The following RIIAD1 variants were observed in gnomAD, a reference collection of about 807,000 sequenced individuals.
RIIAD1 encodes RIIa domain-containing protein 1.
A neutral mutation model predicts 13.3 loss-of-function variants in RIIAD1; 15 were observed. That is an observed-to-expected ratio of 1.13 (90% CI 0.76 to 1.74). The LOEUF (loss-of-function observed/expected upper bound fraction) is 1.74, where lower values mean the gene tolerates loss of function less well. Among genes scored for constraint, RIIAD1 ranks in the 40% most tolerant of loss-of-function variants. The pLI is 0.00. For missense variants in RIIAD1, 121 were observed against 112.2 expected, an observed-to-expected ratio of 1.08 and a Z score of -0.35; for synonymous variants, 50 against 43.3, an observed-to-expected ratio of 1.16 and a Z score of -0.61.
At chr1:151,725,844 C>T (rs894360559) in intron 2 of RIIAD1, among the ~76,000 whole-genome samples, 3 of 152,132 alleles carry the variant, frequency 2.0e-5, no homozygotes, top group African/African-American at 7.2e-5. Flanking sequence ...ATGTCCCTCC[C>T]CAGCATTCAA....
At chr1:151,715,650 G>A (rs374623824) in intron 4 of RIIAD1, 34 of 1,504,522 alleles carry the variant, frequency 2.3e-5, no homozygotes, top group Non-Finnish European at 2.8e-5. Flanking sequence ...CTTTGCAGCC[G>A]TCTTGACAAC....
Position 151,712,427 on chromosome 1 carries a change from C to T in RIIAD1, c.-186+430C>T, listed in dbSNP as rs573037910. On this transcript the variant is annotated intron_variant, in intron 2 of 8. Transcript: ENST00000326413. ...CCACTCCTGGCTCCACACTTGTTCCCGGCGTCCCAGACCACTCACAGGTTC... is the reference window on the plus strand; with the variant it reads ...CCACTCCTGGCTCCACACTTGTTCCTGGCGTCCCAGACCACTCACAGGTTC... Among the ~76,000 whole-genome samples, 50 of 152,304 alleles carry T rather than the reference C, an allele frequency of 3.3e-4. 1 individual carries two copies. In the South Asian group the frequency reaches 9.7e-3, roughly 30 times the overall value.
chr1:151,715,006 CCT>C (rs1355987111), intron 4 of RIIAD1, among the ~76,000 whole-genome samples: 2 of 151,966 alleles, frequency 1.3e-5, no homozygotes, highest in Non-Finnish European at 2.9e-5. Flanking sequence ...TCTCCTTTCC[CCT>C]CTCTCCCTCA....
At chr1:151,715,500 G>T in intron 4 of RIIAD1, 1 of 711,980 alleles carries the variant, frequency 1.4e-6, no homozygotes, top group Non-Finnish European at 2.2e-6. Flanking sequence ...AGGCTGCTCA[G>T]ATTCTCAGTC....
rs991495619 is a variant in RIIAD1 at position 151,714,801 on chromosome 1, G to A, written c.21+272G>A. The A allele has an allele frequency of 4.2e-6, 3 of 706,286 alleles. No homozygotes were observed. In the African/African-American group the frequency reaches 5.3e-5, roughly 13 times the overall value. The allele number at this position is 706,286 out of a possible 1,614,324, so 43.8% of individuals were successfully genotyped here. A position where few individuals can be genotyped will look rare whatever the true frequency, so the allele number is the denominator to read the frequency against. ...CCCTTCTTGTCATCTTCTGCCTGCT[G>A]GGGTAGAGAGGTGTCTCCAAGGGGT... On this transcript the variant is annotated intron_variant, in intron 4 of 8. Coordinates refer to the RIIAD1 transcript ENST00000326413.
chr1:151,722,537 T>C (rs544936703), intron 2 of RIIAD1, among the ~76,000 whole-genome samples: 6 of 152,344 alleles, frequency 3.9e-5, no homozygotes, highest in South Asian at 4.1e-4. Context: ...TCCTGGAATA[T>C]GTTCTTTCCT....
intron 1 of RIIAD1, 45 bp downstream of exon 1, chr1:151,721,665 T>TGCCCCAGGACTGGG: frequency 8.4e-7 from 1 of 1,189,972 alleles, no homozygotes; most frequent in Non-Finnish European, 1.1e-6. Flanking sequence ...AAAGTGTAGC[T>TGCCCCAGGACTGGG]GCCCCAGGAC....
chr1:151,724,458 AAAG>A (rs1558119140), intron 2 of RIIAD1, among the ~76,000 whole-genome samples: 1 of 152,208 alleles, frequency 6.6e-6, no homozygotes, highest in Non-Finnish European at 1.5e-5. Context: ...TCCTATGAGA[AAAG>A]AAGAAGGGAG....
At chr1:151,716,669 G>GCCCC, upstream of RIIAD1, 1 of 116,324 alleles carries the variant, frequency 8.6e-6, no homozygotes. Context: ...CCTCCCCTCA[G>GCCCC]CCCCCCTCCC....
At chr1:151,718,859 C>T (rs1673677566), upstream of RIIAD1, among the ~76,000 whole-genome samples, 1 of 152,132 alleles carries the variant, frequency 6.6e-6, no homozygotes. Flanking sequence ...GCCTTCTAAT[C>T]TGATCTTGGT....
rs1309990017 is a variant in RIIAD1 at position 151,729,495 on chromosome 1, T to A, written c.*65T>A. The A allele has an allele frequency of 6.6e-6, 1 of 152,386 alleles. No individual in the cohort carries two copies. The highest frequency in any genetic ancestry group is 1.5e-5 in the Non-Finnish European group (1 of 68,142). The allele number at this position is 152,386 out of a possible 1,614,324, so 9.4% of individuals were successfully genotyped here. On this transcript the variant is annotated 3_prime_UTR_variant, in exon 5 of 5. Transcript: ENST00000479191. Reference sequence around the variant, plus strand: ...ACCATTTCTGTTTTGCAGGGTCATCTGGAGGCATGAGAGCCCTACTGCCAT... The same window carrying A: ...ACCATTTCTGTTTTGCAGGGTCATCAGGAGGCATGAGAGCCCTACTGCCAT...
At chr1:151,721,712 G>C in intron 1 of RIIAD1, 92 bp downstream of exon 1, 1 of 713,316 alleles carries the variant, frequency 1.4e-6, no homozygotes, top group South Asian at 3.8e-5. Flanking sequence ...GCCGAGAGAA[G>C]GGGAGCGGGA....
intron 3 of RIIAD1, among the ~76,000 whole-genome samples, chr1:151,713,970 T>C (rs1673243864): frequency 6.6e-6 from 1 of 152,094 alleles, no homozygotes; most frequent in Admixed American, 6.5e-5. Flanking sequence ...TCAGGCCTGA[T>C]CCTCTACAAT....
intron 3 of RIIAD1, among the ~76,000 whole-genome samples, chr1:151,714,136 C>T (rs891063739): frequency 9.2e-5 from 14 of 152,188 alleles, no homozygotes; most frequent in African/African-American, 1.4e-4. Flanking sequence ...GAACCAGCAC[C>T]GAGATGCCAA....
Position 151,729,590 on chromosome 1 carries a change from C to G in RIIAD1, c.*160C>G, listed in dbSNP as rs1647274579. On this transcript the variant is annotated 3_prime_UTR_variant, in exon 5 of 5. Coordinates refer to ENST00000479191, the MANE Select transcript of RIIAD1 (RefSeq NM_001144956.3). ...AAAGCTTTTAAAGATATTCATTAAA[C>G]ACGGACCTTCCTGCTCTCTCTGCTT... 1 of 152,206 alleles carries G rather than the reference C, an allele frequency of 6.6e-6. No homozygotes were observed. The highest frequency in any genetic ancestry group is 2.4e-5 in the African/African-American group (1 of 41,456). 9.4% of individuals were successfully genotyped at this position (152,206 alleles called of 1,614,324 possible).
chr1:151,713,778 G>A (rs1673225374), intron 3 of RIIAD1, among the ~76,000 whole-genome samples: 1 of 152,210 alleles, frequency 6.6e-6, no homozygotes, highest in Non-Finnish European at 1.5e-5. Context: ...GTGGGCGTGG[G>A]GGTTTGGGTG....
At chr1:151,723,868 CTGTCAATATCAGACCTGAGGA>C in intron 2 of RIIAD1, among the ~76,000 whole-genome samples, 1 of 152,336 alleles carries the variant, frequency 6.6e-6, no homozygotes, top group Admixed American at 6.5e-5. Context: ...TAGGGATCCT[CTGTCAATATCAGACCTGAGGA>C]TCAGGCCGTC....
At chr1:151,718,851 C>T (rs1673677500), upstream of RIIAD1, among the ~76,000 whole-genome samples, 1 of 152,084 alleles carries the variant, frequency 6.6e-6, no homozygotes, top group Non-Finnish European at 1.5e-5. Flanking sequence ...CTTTCCTTGC[C>T]TTCTAATCTG....
chr1:151,721,572 C>T lies in RIIAD1; in HGVS notation c.36C>T (p.Asp12=), dbSNP rs998151086. Residue 12 remains aspartate, a synonymous_variant, in exon 1 of 5, where the codon GAC becomes GAT. Coordinates refer to ENST00000479191, the MANE Select transcript of RIIAD1 (RefSeq NM_001144956.3). The stretch of plus-strand genomic sequence containing the variant: ...TGCCAGGCTTGCTGCAGCGGCCCGA[C>T]CCCGGGGCGCTTAGCGCAGCGCAGC... ...ETLPGLLQRP[D]PGALSAAQLE... The T allele has an allele frequency of 3.0e-6, 4 of 1,321,904 alleles. No homozygotes were observed. The highest frequency in any genetic ancestry group is 2.8e-4 in the Middle Eastern group (1 of 3,520). 81.9% of individuals were successfully genotyped at this position (1,321,904 alleles called of 1,614,324 possible).
Sources: allele counts gnomAD v4.1 joint callset (sites outside exome capture counted in the v4.1 genomes callset), GRCh38; gene constraint gnomAD v4.1.1; transcripts MANE v1.5; gene names NCBI Gene and HGNC (gene_info 2026-07-23, HGNC 2026-07-21).